The following RUNDC3B variants were observed in gnomAD, a reference collection of about 807,000 sequenced individuals.
RUNDC3B encodes the protein RUN domain-containing protein 3B.
A neutral mutation model predicts 58.4 loss-of-function variants in RUNDC3B; 33 were observed. The ratio of observed to expected loss-of-function variants is 0.56; its 90% CI spans 0.43 to 0.75. RUNDC3B has a LOEUF of 0.75. RUNDC3B is among the 30% of genes least tolerant of loss of function. The pLI is 0.00. For synonymous variants in RUNDC3B, 193 were observed against 195.2 expected (o/e 0.99, Z 0.10); for missense variants, 501 against 535.7 (o/e 0.94, Z 0.64).
chr7:87,690,210 CTTA>C (rs994516474), intron 2 of RUNDC3B, among the ~76,000 whole-genome samples: 3 of 151,920 alleles, frequency 2.0e-5, no homozygotes, highest in Non-Finnish European at 2.9e-5. Context: ...TTTTATTACT[CTTA>C]TTATCCATAA....
chr7:87,827,663 G>A (rs77564521), intron 10 of RUNDC3B, among the ~76,000 whole-genome samples: 5,935 of 152,116 alleles, frequency 0.039, 161 homozygotes, highest in South Asian at 0.063. Context: ...TTTATATAAG[G>A]AAACAGAAAT....
intron 1 of RUNDC3B, among the ~76,000 whole-genome samples, chr7:87,650,440 G>A (rs946957783): frequency 1.3e-5 from 2 of 152,050 alleles, no homozygotes; most frequent in African/African-American, 2.4e-5. Context: ...TCTTTACATG[G>A]CAGAAGAGGC....
chr7:87,665,837 C>G (rs983663153), intron 2 of RUNDC3B, among the ~76,000 whole-genome samples: 1 of 152,068 alleles, frequency 6.6e-6, no homozygotes, highest in African/African-American at 2.4e-5. Flanking sequence ...ATGATGATCT[C>G]CAGCTTGATC....
intron 1 of RUNDC3B, among the ~76,000 whole-genome samples, chr7:87,644,232 T>C (rs1248935731): frequency 6.6e-6 from 1 of 152,210 alleles, no homozygotes; most frequent in Non-Finnish European, 1.5e-5. Context: ...GGCCTTCCAG[T>C]GAACAGATAT....
At chr7:87,649,937 G>T (rs1439787106) in intron 1 of RUNDC3B, among the ~76,000 whole-genome samples, 2 of 152,110 alleles carry the variant, frequency 1.3e-5, no homozygotes, top group Non-Finnish European at 2.9e-5. Context: ...TTCATCTTCT[G>T]CCATAATTGT....
chr7:87,708,342 A>C (rs796697971), intron 3 of RUNDC3B, among the ~76,000 whole-genome samples: 1 of 152,128 alleles, frequency 6.6e-6, no homozygotes, highest in Non-Finnish European at 1.5e-5. Context: ...TAAAAATCCT[A>C]AAAGAGGATA....
At chr7:87,630,186 A>G (rs1364527523) in intron 1 of RUNDC3B, among the ~76,000 whole-genome samples, 1 of 152,054 alleles carries the variant, frequency 6.6e-6, no homozygotes, top group Non-Finnish European at 1.5e-5. Flanking sequence ...ATTTCTCTGT[A>G]TTTTTCCGTT....
chr7:87,777,297 T>G (rs1230539241), intron 7 of RUNDC3B, among the ~76,000 whole-genome samples: 2 of 152,210 alleles, frequency 1.3e-5, no homozygotes, highest in Non-Finnish European at 2.9e-5. Flanking sequence ...GGTGAAACTG[T>G]GGCACAGAGA....
intron 8 of RUNDC3B, among the ~76,000 whole-genome samples, chr7:87,796,161 G>A (rs544130668): frequency 7.1e-4 from 108 of 152,268 alleles, no homozygotes; most frequent in African/African-American, 2.5e-3. Context: ...GCAACAACTT[G>A]GGTGGAATTG....
chr7:87,695,640 A>G (rs528675827), intron 2 of RUNDC3B, among the ~76,000 whole-genome samples: 1 of 152,248 alleles, frequency 6.6e-6, no homozygotes, highest in South Asian at 2.1e-4. Context: ...TCAGTTTATC[A>G]TTCACTTTTT....
intron 4 of RUNDC3B, among the ~76,000 whole-genome samples, chr7:87,725,503 G>A (rs963292874): frequency 2.0e-5 from 3 of 152,108 alleles, no homozygotes; most frequent in African/African-American, 7.2e-5. Flanking sequence ...TTGGACATTT[G>A]GGTTAGTTCC....
chr7:87,726,500 T>C (rs1052274074), intron 4 of RUNDC3B, among the ~76,000 whole-genome samples: 2 of 152,198 alleles, frequency 1.3e-5, no homozygotes, highest in African/African-American at 2.4e-5. Flanking sequence ...TGTAGCATTG[T>C]AGTATAGTTT....
At chr7:87,732,650 C>T (rs1205881892) in intron 4 of RUNDC3B, among the ~76,000 whole-genome samples, 1 of 152,138 alleles carries the variant, frequency 6.6e-6, no homozygotes, top group Non-Finnish European at 1.5e-5. Flanking sequence ...AGGGGGGTCA[C>T]TGCCTTCTGG....
At chr7:87,823,940 A>G (rs1487377155) in intron 10 of RUNDC3B, among the ~76,000 whole-genome samples, 6 of 152,146 alleles carry the variant, frequency 3.9e-5, no homozygotes, top group Non-Finnish European at 8.8e-5. Flanking sequence ...AAAAAATCAC[A>G]TAAATTGAGA....
At chr7:87,710,325 G>A (rs1169240659) in intron 3 of RUNDC3B, among the ~76,000 whole-genome samples, 2 of 151,960 alleles carry the variant, frequency 1.3e-5, no homozygotes, top group Non-Finnish European at 2.9e-5. Flanking sequence ...CAGTATTAAC[G>A]TTCTGTCCCT....
In RUNDC3B at chr7:87,791,439, A is replaced by G. The variant is rs1214499092; in HGVS notation, c.956+13484A>G. On this transcript the variant is annotated intron_variant, in intron 8 of 10. Coordinates refer to ENST00000394654, the MANE Select transcript of RUNDC3B (RefSeq NM_001134405.2). ...CCACAGAAAAACAGACTATTATAGT[A>G]CTATAACTGTGGTATGCAAACCACT... 2.0e-5 allele frequency among the ~76,000 whole-genome samples: 3 copies of G among 152,302 alleles called. No homozygotes were observed. In the East Asian group the frequency reaches 5.8e-4, roughly 29 times the overall value.
At chr7:87,731,189 C>T (rs1371998730) in intron 4 of RUNDC3B, among the ~76,000 whole-genome samples, 1 of 152,020 alleles carries the variant, frequency 6.6e-6, no homozygotes, top group East Asian at 1.9e-4. Flanking sequence ...AATGGACATC[C>T]ACAGGCATCA....
At chr7:87,778,630 A>G (rs1400384821) in intron 8 of RUNDC3B, among the ~76,000 whole-genome samples, 6 of 152,176 alleles carry the variant, frequency 3.9e-5, no homozygotes, top group Admixed American at 6.6e-5. Context: ...CGCTACTCAA[A>G]GTATAGTGCT....
At chr7:87,802,250 G>GC (rs1836205362) in intron 8 of RUNDC3B, among the ~76,000 whole-genome samples, 1 of 151,922 alleles carries the variant, frequency 6.6e-6, no homozygotes, top group Non-Finnish European at 1.5e-5. Flanking sequence ...AAACTTAGCT[G>GC]GTCATGGTGG....
Sources: allele counts gnomAD v4.1 joint callset (sites outside exome capture counted in the v4.1 genomes callset), GRCh38; gene constraint gnomAD v4.1.1; transcripts MANE v1.5; gene names NCBI Gene and HGNC (gene_info 2026-07-23, HGNC 2026-07-21).